IMMP2L: variants seen among roughly 807,000 people sequenced by gnomAD.
IMMP2L encodes mitochondrial inner membrane protease subunit 2.
In IMMP2L, 18 loss-of-function variants were observed where a neutral mutation model predicts 19.3. That is an observed-to-expected ratio of 0.93 (90% CI 0.64 to 1.38). The LOEUF is 1.38. Among genes scored for constraint, IMMP2L ranks in the 40% most tolerant of loss-of-function variants. The pLI is 0.00. For missense variants in IMMP2L, 233 were observed against 218.2 expected (o/e 1.07, Z -0.43); for synonymous variants, 76 against 73.0 (o/e 1.04, Z -0.21).
chr7:111,106,327 C>G (rs1798543032), intron 3 of IMMP2L, among the ~76,000 whole-genome samples: 1 of 151,868 alleles, frequency 6.6e-6, no homozygotes, highest in African/African-American at 2.4e-5. Flanking sequence ...TTTTCAAACT[C>G]TACAGACATT....
intron 5 of IMMP2L, among the ~76,000 whole-genome samples, chr7:110,720,692 C>T (rs1201975741): frequency 1.3e-5 from 2 of 152,170 alleles, no homozygotes; most frequent in African/African-American, 4.8e-5. Context: ...TTAGCTGTCT[C>T]TATTCATTGG....
chr7:110,730,651 A>G (rs1796208194), intron 5 of IMMP2L, among the ~76,000 whole-genome samples: 1 of 150,266 alleles, frequency 6.7e-6, no homozygotes, highest in Non-Finnish European at 1.5e-5. Context: ...CAGCCTCCCC[A>G]GCAGCTGGGA....
chr7:110,816,090 C>G lies in IMMP2L; in HGVS notation c.408+70503G>C, dbSNP rs1016613077. On this transcript the variant is annotated intron_variant, in intron 5 of 5. Coordinates refer to ENST00000405709, the MANE Select transcript of IMMP2L (RefSeq NM_032549.4). The stretch of plus-strand genomic sequence containing the variant: ...CAATTTTAGATCTTTCCTGCTTTCT[C>G]TTGGGGGCATTTAGTGCTATAAATT... Among the ~76,000 whole-genome samples, 4 of 152,210 alleles carry G rather than the reference C, an allele frequency of 2.6e-5. No homozygotes were observed. In the East Asian group the frequency reaches 7.7e-4, roughly 29 times the overall value.
intron 4 of IMMP2L, among the ~76,000 whole-genome samples, chr7:110,929,518 T>C (rs1156693328): frequency 6.6e-6 from 1 of 152,192 alleles, no homozygotes; most frequent in Non-Finnish European, 1.5e-5. Context: ...ATTAATCATA[T>C]AGAAAGAAGT....
At chr7:111,243,254 A>T (rs1053070089) in intron 3 of IMMP2L, among the ~76,000 whole-genome samples, 1 of 151,984 alleles carries the variant, frequency 6.6e-6, no homozygotes, top group East Asian at 1.9e-4. Context: ...TAAAATATTT[A>T]TTATGCTAAA....
intron 3 of IMMP2L, among the ~76,000 whole-genome samples, chr7:111,327,215 TG>T (rs1018700579): frequency 5.9e-5 from 9 of 151,650 alleles, no homozygotes; most frequent in African/African-American, 2.2e-4. Flanking sequence ...AAGGGAATGG[TG>T]GTGGTCAGGG....
chr7:110,947,741 T>C (rs1817399761), intron 4 of IMMP2L, among the ~76,000 whole-genome samples: 1 of 152,206 alleles, frequency 6.6e-6, no homozygotes, highest in African/African-American at 2.4e-5. Flanking sequence ...AAATCTAGGC[T>C]TCAGAAGTAT....
intron 3 of IMMP2L, among the ~76,000 whole-genome samples, chr7:111,384,291 G>A (rs190253604): frequency 8.1e-5 from 12 of 148,558 alleles, no homozygotes; most frequent in Non-Finnish European, 1.2e-4. Context: ...AGAAAGGAGA[G>A]AGGAGAAAGG....
intron 5 of IMMP2L, among the ~76,000 whole-genome samples, chr7:110,665,500 G>A (rs75670175): frequency 0.11 from 16,512 of 152,158 alleles, 1,158 homozygotes; most frequent in South Asian, 0.26. Flanking sequence ...TCCCACTGAT[G>A]TCTTCTATAG....
intron 2 of IMMP2L, among the ~76,000 whole-genome samples, chr7:111,516,539 A>G (rs764497410): frequency 6.6e-6 from 1 of 152,140 alleles, no homozygotes; most frequent in South Asian, 2.1e-4. Context: ...AGTGTAATAA[A>G]GTTGGTATTT....
chr7:110,765,741 A>G (rs1798616316), intron 5 of IMMP2L, among the ~76,000 whole-genome samples: 1 of 152,164 alleles, frequency 6.6e-6, no homozygotes, highest in African/African-American at 2.4e-5. Context: ...AAATGATCAA[A>G]TTGGGGTAAT....
At chr7:111,214,771 G>C (rs17538669) in intron 3 of IMMP2L, among the ~76,000 whole-genome samples, 6,437 of 148,330 alleles carry the variant, frequency 0.043, 200 homozygotes, top group South Asian at 0.084. Context: ...ATTATCCAGA[G>C]CTCCATAACC....
At chr7:110,844,768 G>A (rs1805507239) in intron 5 of IMMP2L, among the ~76,000 whole-genome samples, 1 of 151,668 alleles carries the variant, frequency 6.6e-6, no homozygotes, top group Non-Finnish European at 1.5e-5. Flanking sequence ...AAATGGCAAG[G>A]ATGGACAGTT....
At chr7:110,808,552 C>A (rs1228998534) in intron 5 of IMMP2L, among the ~76,000 whole-genome samples, 1 of 152,068 alleles carries the variant, frequency 6.6e-6, no homozygotes, top group African/African-American at 2.4e-5. Context: ...GGGCTGTGCA[C>A]AGGGGGCATT....
intron 3 of IMMP2L, among the ~76,000 whole-genome samples, chr7:111,337,887 T>C (rs1826605200): frequency 6.6e-6 from 1 of 152,114 alleles, no homozygotes; most frequent in Non-Finnish European, 1.5e-5. Context: ...TCAACAAACA[T>C]TCACTAAAAA....
chr7:110,888,068 A>T (rs1013071168), intron 4 of IMMP2L, among the ~76,000 whole-genome samples: 2 of 152,182 alleles, frequency 1.3e-5, no homozygotes, highest in African/African-American at 4.8e-5. Flanking sequence ...ACTTTACTTT[A>T]GATCAGTAAA....
intron 5 of IMMP2L, among the ~76,000 whole-genome samples, chr7:110,687,462 A>G (rs905546719): frequency 3.3e-5 from 5 of 152,066 alleles, no homozygotes; most frequent in Non-Finnish European, 4.4e-5. Flanking sequence ...ACACTCAATG[A>G]ATACTTTATT....
chr7:110,816,130 G>C (rs1215499078), intron 5 of IMMP2L, among the ~76,000 whole-genome samples: 1 of 152,052 alleles, frequency 6.6e-6, no homozygotes, highest in Non-Finnish European at 1.5e-5. Flanking sequence ...TCTACACATT[G>C]CTTTGAATGT....
At chr7:110,720,588 A>G (rs1054222158) in intron 5 of IMMP2L, among the ~76,000 whole-genome samples, 1 of 152,192 alleles carries the variant, frequency 6.6e-6, no homozygotes, top group Non-Finnish European at 1.5e-5. Context: ...CAATAAAACA[A>G]TTTAAATTTT....
Sources: allele counts gnomAD v4.1 joint callset (sites outside exome capture counted in the v4.1 genomes callset), GRCh38; gene constraint gnomAD v4.1.1; transcripts MANE v1.5; gene names NCBI Gene and HGNC (gene_info 2026-07-23, HGNC 2026-07-21).